The following FAM110A variants were observed in gnomAD, a reference collection of about 807,000 sequenced individuals.
The protein encoded by FAM110A is protein FAM110A.
A neutral mutation model predicts 4.0 loss-of-function variants in FAM110A; 1 was observed. The ratio of observed to expected loss-of-function variants is 0.25; its 90% CI spans 0.09 to 1.20. The LOEUF (loss-of-function observed/expected upper bound fraction) is 1.20, where lower values mean the gene tolerates loss of function less well. Ranked by LOEUF, FAM110A falls within the 50% of genes most tolerant of loss-of-function variation. FAM110A has a pLI of 0.50. For synonymous variants in FAM110A, 217 were observed against 196.8 expected, an observed-to-expected ratio of 1.10 and a Z score of -0.86; for missense variants, 436 against 429.2, an observed-to-expected ratio of 1.02 and a Z score of -0.14.
At chr20:835,239 CATATATGT>C (rs1568776299) in intron 1 of FAM110A, among the ~76,000 whole-genome samples, 2 of 150,582 alleles carry the variant, frequency 1.3e-5, no homozygotes, top group Non-Finnish European at 2.9e-5. Context: ...TACACACACA[CATATATGT>C]ATATATATGT....
Position 845,279 on chromosome 20 carries a change from CT to C in FAM110A, c.476del (p.Leu159ArgfsTer33). 1 of 1,501,104 alleles carries C rather than the reference CT, an allele frequency of 6.7e-7. No homozygotes were observed. The highest frequency in any genetic ancestry group is 2.4e-5 in the Admixed American group (1 of 41,982). The allele number at this position is 1,501,104 out of a possible 1,614,324, so 93.0% of individuals were successfully genotyped here. ...SAVRRVDVRP[L>X]PASPARPCPS... ...GGTCCGCCGGGTGGACGTCCGCCCC[CT>C]GCCCGCCTCGCCTGCCCGGCCCTGC... On this transcript the variant is annotated frameshift_variant, in exon 2 of 2. Transcript: ENST00000381941. LOFTEE classifies it high-confidence loss of function.
chr20:845,245 T>A lies in FAM110A; in HGVS notation c.441T>A (p.Ser147Arg). ...CCACCCCTCCGCGACCGCCGCCCAG[T>A]ACCTCTGCGGTCCGCCGGGTGGACG... Reference protein sequence around the residue: ...PPATPPRPPPSTSAVRRVDVR... With the variant: ...PPATPPRPPPRTSAVRRVDVR... Residue 147 changes from serine (S) to arginine (R), a missense_variant, in exon 2 of 2, where the codon AGT becomes AGA. Transcript: ENST00000381941. 6.6e-7 allele frequency: 1 copy of A among 1,517,922 alleles called. No individual in the cohort carries two copies. The highest frequency in any genetic ancestry group is 8.8e-7 in the Non-Finnish European group (1 of 1,135,002). The allele number at this position is 1,517,922 out of a possible 1,614,324, so 94.0% of individuals were successfully genotyped here.
chr20:837,054 T>TG (rs1568778682), intron 1 of FAM110A, among the ~76,000 whole-genome samples: 2 of 139,844 alleles, frequency 1.4e-5, no homozygotes. Context: ...TGTTTTTTTT[T>TG]TTTTTTTTTT....
In FAM110A at chr20:840,016, A is replaced by AACAGTCCTTCCTTTCC; in HGVS notation, c.-97-4691_-97-4690insCAGTCCTTCCTTTCCA. Reference sequence around the variant, plus strand: ...GGGTCCGGGGCTGGGGCTGGAAAGGAAGGACTGTTCTTTTCTTTGCTATTA... The same window carrying AACAGTCCTTCCTTTCC: ...GGGTCCGGGGCTGGGGCTGGAAAGGAACAGTCCTTCCTTTCCAGGACTGTTCTTTTCTTTGCTATTA... On this transcript the variant is annotated intron_variant, in intron 1 of 1. Coordinates refer to ENST00000381941, the MANE Select transcript of FAM110A (RefSeq NM_001042353.3). The surrounding 1 kb of genome is among the most constrained non-coding windows in gnomAD (Gnocchi z 4.4). The AACAGTCCTTCCTTTCC allele has an allele frequency of 9.9e-7, 1 of 1,010,674 alleles. No individual in the cohort carries two copies. The highest frequency in any genetic ancestry group is 1.5e-6 in the Non-Finnish European group (1 of 653,972). The allele number at this position is 1,010,674 out of a possible 1,614,324, so 62.6% of individuals were successfully genotyped here.
rs1980322456 is a variant in FAM110A at position 845,842 on chromosome 20, C to T, written c.*150C>T. ...GGAGGCAAAGGCTTAGAGGCTGGAC[C>T]AGCATTGTTGGGCAAGGACTGACTC... On this transcript the variant is annotated 3_prime_UTR_variant, in exon 2 of 2. Transcript: ENST00000381941. 1 of 1,449,808 alleles carries T rather than the reference C, an allele frequency of 6.9e-7. No individual in the cohort carries two copies. The highest frequency in any genetic ancestry group is 9.1e-7 in the Non-Finnish European group (1 of 1,095,186). 89.8% of individuals were successfully genotyped at this position (1,449,808 alleles called of 1,614,324 possible).
rs576439 is a variant in FAM110A, at chr20:840,319, C to G, written c.-97-4389C>G. Among the ~76,000 whole-genome samples the G allele has an allele frequency of 0.051, 7,711 of 152,104 alleles. 365 individuals are homozygous for G. The highest frequency in any genetic ancestry group is 0.13 in the African/African-American group (5,247 of 41,468). On this transcript the variant is annotated intron_variant, in intron 1 of 1. Coordinates refer to ENST00000381941, the MANE Select transcript of FAM110A (RefSeq NM_001042353.3). The surrounding 1 kb of genome is among the most constrained non-coding windows in gnomAD (Gnocchi z 4.4). ...CACAGGCACAGACATGGAACAGGAG[C>G]CTCTTCAGCCTGAGTGTGGCAGAGG... is the stretch of plus-strand genomic sequence containing the variant.
Position 845,222 on chromosome 20 carries a change from AC to A in FAM110A, c.422del (p.Pro141LeufsTer51). On this transcript the variant is annotated frameshift_variant, in exon 2 of 2. Coordinates refer to ENST00000381941, the MANE Select transcript of FAM110A (RefSeq NM_001042353.3). LOFTEE classifies it low-confidence loss of function (END_TRUNC). ...AEGAGRPPPA[T>X]PPRPPPSTSA... ...GGGAGCCGGCCGTCCTCCCCCAGCCACCCCTCCGCGACCGCCGCCCAGTACC... is the reference window on the plus strand; with the variant it reads ...GGGAGCCGGCCGTCCTCCCCCAGCCACCCTCCGCGACCGCCGCCCAGTACC... The A allele has an allele frequency of 1.3e-6, 2 of 1,530,858 alleles. No individual in the cohort carries two copies. Among genetic ancestry groups the A allele is most frequent in the Admixed American group, 2.0e-5 (1 of 49,700 alleles). 94.8% of individuals were successfully genotyped at this position (1,530,858 alleles called of 1,614,324 possible). A position where few individuals can be genotyped will look rare whatever the true frequency, so the allele number is the denominator to read the frequency against.
rs1600009158 is a variant in FAM110A at position 840,871 on chromosome 20, G to C, written c.-97-3837G>C. ...AATGGGGTAACAATAGAACTCACCA[G>C]ATAGTGATTGTTGGGAAGATTAAAA... On this transcript the variant is annotated intron_variant, in intron 1 of 1. Coordinates refer to ENST00000381941, the MANE Select transcript of FAM110A (RefSeq NM_001042353.3). The surrounding 1 kb of genome is among the most constrained non-coding windows in gnomAD (Gnocchi z 4.4). 3.9e-5 allele frequency among the ~76,000 whole-genome samples: 6 copies of C among 152,330 alleles called. No homozygotes were observed. Among genetic ancestry groups the C allele is most frequent in the Admixed American group, 3.9e-4 (6 of 15,302 alleles).
chr20:844,895 G>C lies in FAM110A; in HGVS notation c.91G>C (p.Gly31Arg), dbSNP rs1461663012. The C allele has an allele frequency of 1.3e-6, 2 of 1,556,394 alleles. No individual in the cohort carries two copies. Among genetic ancestry groups the C allele is most frequent in the African/African-American group, 1.4e-5 (1 of 73,154 alleles). Residue 31 changes from glycine to arginine, a missense_variant, in exon 2 of 2, where the codon GGG (glycine) becomes CGG (arginine). Transcript: ENST00000381941. ...CAGGGTCCCTGGCTACCTGCTACGG[G>C]GGCCGGCAGATGGTGGAGCCCGGAA... is the stretch of plus-strand genomic sequence containing the variant. ...RTRVPGYLLR[G>R]PADGGARKPS...
chr20:844,605 CTACCT>C lies in FAM110A; in HGVS notation c.-97-100_-97-96del, dbSNP rs1980143057. On this transcript the variant is annotated intron_variant, in intron 1 of 1. Coordinates refer to ENST00000381941, the MANE Select transcript of FAM110A (RefSeq NM_001042353.3). ...GGCTCCTTGTGGAGGGGCGTGGTCT[CTACCT>C]TATAATAGGGAGGGCGTCTTATCCT... 3.8e-6 allele frequency: 3 copies of C among 795,766 alleles called. No individual in the cohort carries two copies. The Admixed American group carries it at 1.2e-4, about 31-fold the overall frequency. 49.3% of individuals were successfully genotyped at this position (795,766 alleles called of 1,614,324 possible).
In FAM110A at chr20:845,552, C is replaced by A; in HGVS notation, c.748C>A (p.Arg250Ser). Residue 250 changes from arginine (R) to serine (S), a missense_variant, in exon 2 of 2, where the codon CGC becomes AGC. Arg to Ser is a moderately radical substitution (Grantham distance 110, BLOSUM62 -1). Coordinates refer to ENST00000381941, the MANE Select transcript of FAM110A (RefSeq NM_001042353.3). The stretch of plus-strand genomic sequence containing the variant: ...GGGCAGCTCTGAAGGGGGCTGCTCC[C>A]GCCGCAGCTCGGTGACTGTTGAGGA... The part of the protein sequence containing the change: ...GPGSSEGGCS[R>S]RSSVTVEERA... The A allele has an allele frequency of 1.2e-6, 2 of 1,613,408 alleles. No homozygotes were observed. The highest frequency in any genetic ancestry group is 2.7e-5 in the African/African-American group (2 of 75,060).
chr20:844,562 G>T (rs1276784648), intron 1 of FAM110A, 146 bp from the exon 2 acceptor site: 1 of 457,116 alleles, frequency 2.2e-6, no homozygotes, highest in Non-Finnish European at 3.6e-6. Flanking sequence ...CGCAGCTGCT[G>T]CCTTGTGCCT....
chr20:834,846 C>G lies in FAM110A; in HGVS notation c.-98+895C>G, dbSNP rs967511529. The stretch of plus-strand genomic sequence containing the variant: ...CATATCCTCTCTCCTCTGGAGCCTG[C>G]CCCTGGCTTTGGGGGACAGGATCTC... On this transcript the variant is annotated intron_variant, in intron 1 of 1. Coordinates refer to ENST00000381941, the MANE Select transcript of FAM110A (RefSeq NM_001042353.3). This position sits in a 1 kb window ranked among gnomAD's most constrained non-coding sequence, Gnocchi z 5.6. 6.6e-6 allele frequency among the ~76,000 whole-genome samples: 1 copy of G among 152,182 alleles called. No homozygotes were observed. The highest frequency in any genetic ancestry group is 2.4e-5 in the African/African-American group (1 of 41,444).
At chr20:839,081 G>A (rs1017828544) in intron 1 of FAM110A, among the ~76,000 whole-genome samples, 1 of 152,110 alleles carries the variant, frequency 6.6e-6, no homozygotes, top group Non-Finnish European at 1.5e-5. Context: ...GGGTCCAGCC[G>A]ACGAGGCAGT....
At chr20:835,479 G>A (rs901315885) in intron 1 of FAM110A, among the ~76,000 whole-genome samples, 14 of 151,818 alleles carry the variant, frequency 9.2e-5, no homozygotes, top group Admixed American at 2.0e-4. Context: ...CTAATCCTGC[G>A]TGCCAGGCCC....
intron 1 of FAM110A, among the ~76,000 whole-genome samples, chr20:835,229 T>C (rs982479316): frequency 1.3e-5 from 2 of 150,160 alleles, no homozygotes; most frequent in African/African-American, 2.5e-5. Context: ...CACACATATA[T>C]ACACACACAC....
chr20:839,574 C>T (rs1979763747), intron 1 of FAM110A: 1 of 1,008,010 alleles, frequency 9.9e-7, no homozygotes, highest in African/African-American at 1.6e-5. Flanking sequence ...GTAGGTATCT[C>T]TGTCAGCTTC....
At chr20:839,976 A>G (rs908119932) in intron 1 of FAM110A, 1 of 1,398,258 alleles carries the variant, frequency 7.2e-7, no homozygotes, top group Non-Finnish European at 1.0e-6. Flanking sequence ...AGGCATCAGC[A>G]TCTTGGCAGC....
In FAM110A at chr20:834,021, G is replaced by C. The variant is rs1267080991; in HGVS notation, c.-98+70G>C. 1 of 152,382 alleles carries C rather than the reference G, an allele frequency of 6.6e-6. No homozygotes were observed. The highest frequency in any genetic ancestry group is 1.5e-5 in the Non-Finnish European group (1 of 68,164). The allele number at this position is 152,382 out of a possible 1,614,324, so 9.4% of individuals were successfully genotyped here. ...CCCGTTCCCCGAGCGTCTGCTGTCT[G>C]CTTTCTCCCCGCGTCGTACCTGCGT... is the stretch of plus-strand genomic sequence containing the variant. On this transcript the variant is annotated intron_variant, in intron 1 of 1. Coordinates refer to ENST00000381941, the MANE Select transcript of FAM110A (RefSeq NM_001042353.3). This position sits in a 1 kb window ranked among gnomAD's most constrained non-coding sequence, Gnocchi z 5.6.
Sources: gnomAD v4.1 joint callset for allele counts (sites outside exome capture counted in the v4.1 genomes callset) on GRCh38, gnomAD v4.1.1 for gene constraint, Gnocchi (gnomAD v3.1) non-coding constraint, MANE v1.5 for transcripts, NCBI Gene and HGNC (gene_info 2026-07-23, HGNC 2026-07-21) for gene names.